ATP11C: variants seen among roughly 807,000 people sequenced by gnomAD.
ATP11C encodes the protein ATPase phospholipid transporting 11C (ATP11C blood group).
ATP11C carries 36 observed loss-of-function variants against 97.4 expected under a neutral mutation model. The ratio of observed to expected loss-of-function variants is 0.37; its 90% CI spans 0.28 to 0.49. ATP11C has a LOEUF of 0.49. Ranked by LOEUF, ATP11C falls within the 20% of genes least tolerant of loss-of-function variation. The pLI, the probability that ATP11C is intolerant of heterozygous loss-of-function variation, is 0.98. For synonymous variants in ATP11C, 275 were observed against 290.9 expected (o/e 0.95, Z 0.56); for missense variants, 730 against 824.6 (o/e 0.89, Z 1.40).
At chrX:139,756,172 G>A (rs192346179) in intron 23 of ATP11C, among the ~76,000 whole-genome samples, 110 of 111,840 alleles carry the variant, frequency 9.8e-4, no homozygotes, top group Admixed American at 5.2e-3. Context: ...CAAAGGACAC[G>A]AACAGACACT....
chrX:139,819,749 T>C (rs949158485), intron 2 of ATP11C, among the ~76,000 whole-genome samples: 1 of 112,550 alleles, frequency 8.9e-6, no homozygotes, highest in African/African-American at 3.2e-5. Context: ...ATAACACTTA[T>C]TATAGTGAGT....
intron 1 of ATP11C, among the ~76,000 whole-genome samples, chrX:139,905,821 G>A (rs1463736160): frequency 9.0e-6 from 1 of 111,680 alleles, no homozygotes; most frequent in Non-Finnish European, 1.9e-5. Context: ...AGATTTGGAA[G>A]ATCAAGGGCA....
At chrX:139,830,661 C>T (rs966040268) in intron 1 of ATP11C, among the ~76,000 whole-genome samples, 2 of 111,462 alleles carry the variant, frequency 1.8e-5, no homozygotes, top group African/African-American at 6.5e-5. Context: ...TGTAAGCAAC[C>T]ACAGCAAATA....
intron 25 of ATP11C, 34 bp from the exon 26 acceptor site, chrX:139,743,658 AT>A: frequency 5.9e-6 from 5 of 843,456 alleles, no homozygotes; most frequent in Non-Finnish European, 8.3e-6. Flanking sequence ...TGTACCATGT[AT>A]ATACAAGTAT....
At chrX:139,824,751 C>T (rs989296933) in intron 2 of ATP11C, among the ~76,000 whole-genome samples, 7 of 111,605 alleles carry the variant, frequency 6.3e-5, no homozygotes, top group Non-Finnish European at 1.3e-4. Context: ...AAATGTTTGT[C>T]TTCAGTGTTC....
chrX:139,783,345 C>G (rs751465611), intron 16 of ATP11C, 78 bp from the exon 17 acceptor site: 1 of 675,644 alleles, frequency 1.5e-6, no homozygotes, highest in African/African-American at 2.2e-5. Flanking sequence ...ACTTTTAAAG[C>G]GGTCTCTCTC....
At chrX:139,909,095 G>A (rs951078611) in intron 1 of ATP11C, among the ~76,000 whole-genome samples, 1 of 111,727 alleles carries the variant, frequency 9.0e-6, no homozygotes, top group African/African-American at 3.3e-5. Context: ...CAGTGACAGA[G>A]ACTTTAAACC....
chrX:139,931,663 T>G (rs2148200186), intron 1 of ATP11C, among the ~76,000 whole-genome samples: 1 of 111,802 alleles, frequency 8.9e-6, no homozygotes, highest in South Asian at 3.8e-4. Flanking sequence ...TCCCTGAGAA[T>G]AAAACGCCAT....
intron 27 of ATP11C, 35 bp downstream of exon 27, chrX:139,740,956 A>G (rs1315176375): frequency 1.1e-6 from 1 of 915,250 alleles, no homozygotes; most frequent in Admixed American, 2.2e-5. Flanking sequence ...CTACTTTGCT[A>G]TTTACATATT....
In ATP11C at chrX:139,782,665, T is replaced by C. The variant is rs372582743; in HGVS notation, c.1834A>G (p.Asn612Asp). 9 of 1,205,327 alleles carry C rather than the reference T, an allele frequency of 7.5e-6. No homozygotes were observed. The African/African-American group carries it at 1.2e-4, about 16-fold the overall frequency. The change falls in exon 18 of 30, where the codon AAC becomes GAC. Residue 612 changes from asparagine to aspartate, a missense_variant. Asn to Asp is a conservative substitution (Grantham distance 23). Coordinates refer to ENST00000682941, the MANE Select transcript of ATP11C (RefSeq NM_001353812.2). The stretch of plus-strand genomic sequence containing the variant: ...ATTTTTGCCTCTATGAGCTGTCTGT[T>C]AATTCTTTCATAATCATCTGGAGCA... ...EIAPDDYERI[N>D]RQLIEAKMAL...
chrX:139,741,148 A>T, intron 26 of ATP11C, 54 bp from the exon 27 acceptor site: 1 of 748,389 alleles, frequency 1.3e-6, no homozygotes, highest in Middle Eastern at 2.9e-4. Context: ...GCACCAGGCA[A>T]TACGCTATAG....
At chrX:139,824,692 C>T (rs773156195) in intron 2 of ATP11C, among the ~76,000 whole-genome samples, 1 of 110,837 alleles carries the variant, frequency 9.0e-6, no homozygotes, top group Non-Finnish European at 1.9e-5. Flanking sequence ...GTCTCCCCCC[C>T]ACAAAAAAAG....
At chrX:139,849,154 TC>T (rs1269083014) in intron 1 of ATP11C, among the ~76,000 whole-genome samples, 1 of 110,963 alleles carries the variant, frequency 9.0e-6, no homozygotes, top group Non-Finnish European at 1.9e-5. Context: ...GCTCTTTCCT[TC>T]CAGTTTGAGA....
At chrX:139,809,113 T>TAA (rs776614747) in intron 5 of ATP11C, among the ~76,000 whole-genome samples, 1 of 93,640 alleles carries the variant, frequency 1.1e-5, no homozygotes, top group Admixed American at 1.2e-4. Context: ...ACTCTTGTCT[T>TAA]AAAAAAAAAA....
At chrX:139,869,719 G>C (rs1348183818) in intron 1 of ATP11C, among the ~76,000 whole-genome samples, 2 of 106,708 alleles carry the variant, frequency 1.9e-5, no homozygotes, top group Non-Finnish European at 3.9e-5. Flanking sequence ...GCTTGAACCT[G>C]GGAGGTGGAG....
chrX:139,826,060 C>T (rs1185097975), intron 2 of ATP11C, among the ~76,000 whole-genome samples: 1 of 111,849 alleles, frequency 8.9e-6, no homozygotes, highest in Non-Finnish European at 1.9e-5. Flanking sequence ...AGTGGTTGGG[C>T]CAGGATTTAA....
At chrX:139,923,750 T>C (rs974762743) in intron 1 of ATP11C, among the ~76,000 whole-genome samples, 1 of 111,725 alleles carries the variant, frequency 9.0e-6, no homozygotes, top group Non-Finnish European at 1.9e-5. Context: ...TGTCGATATG[T>C]GGGATTACTG....
At position 139,866,928 on chromosome X, in the gene ATP11C, CA is replaced by C. The variant is rs58963503; in HGVS notation, c.28-40106del. 2.8e-3 allele frequency among the ~76,000 whole-genome samples: 310 copies of C among 109,699 alleles called. 1 individual carries two copies. The highest frequency in any genetic ancestry group is 9.6e-3 in the African/African-American group (289 of 30,097). On this transcript the variant is annotated intron_variant, in intron 1 of 29. Transcript: ENST00000682941. ...CAAAGCCCTGTCTCTACAAAAAATA[CA>C]AAAAACATTAGCCAGGTATGGTAGT...
chrX:139,763,259 T>C, intron 21 of ATP11C, 57 bp downstream of exon 21: 2 of 930,317 alleles, frequency 2.1e-6, no homozygotes, highest in South Asian at 2.1e-5. Flanking sequence ...AAGACCACAC[T>C]ACCTAAAAGC....
Sources: allele counts gnomAD v4.1 joint callset (sites outside exome capture counted in the v4.1 genomes callset), GRCh38; gene constraint gnomAD v4.1.1; transcripts MANE v1.5; gene names NCBI Gene and HGNC (gene_info 2026-07-23, HGNC 2026-07-21).